HSF2: variants seen among roughly 807,000 people sequenced by gnomAD.
The protein encoded by HSF2 is heat shock factor protein 2.
Under a neutral mutation model 65.0 loss-of-function variants are expected in HSF2, and 21 were observed. The observed-to-expected ratio is 0.32, with a 90% CI of 0.23 to 0.47. The LOEUF (loss-of-function observed/expected upper bound fraction) is 0.47. Ranked by LOEUF, HSF2 falls within the 20% of genes least tolerant of loss-of-function variation. The pLI, the probability that HSF2 is intolerant of heterozygous loss-of-function variation, is 1.00. For synonymous variants in HSF2, 225 were observed against 219.1 expected (o/e 1.03, Z -0.24); for missense variants, 499 against 628.1 (o/e 0.79, Z 2.20).
chr6:122,427,458 T>C (rs1250330897), intron 10 of HSF2, among the ~76,000 whole-genome samples: 1 of 152,030 alleles, frequency 6.6e-6, no homozygotes, highest in Non-Finnish European at 1.5e-5. Context: ...AGGCATAGTT[T>C]AGGAGCCACT....
intron 10 of HSF2, among the ~76,000 whole-genome samples, chr6:122,425,658 C>T (rs1774323964): frequency 6.6e-6 from 1 of 151,944 alleles, no homozygotes; most frequent in African/African-American, 2.4e-5. Flanking sequence ...CTAATCTTCT[C>T]TGTTTTATCT....
intron 3 of HSF2, 104 bp from the exon 4 acceptor site, chr6:122,413,421 C>G: frequency 1.3e-6 from 1 of 768,560 alleles, no homozygotes; most frequent in Non-Finnish European, 2.1e-6. Flanking sequence ...AACCAGATCT[C>G]ACTTCCTGAA....
chr6:122,428,692 A>G (rs1774391004), intron 11 of HSF2, among the ~76,000 whole-genome samples: 1 of 152,040 alleles, frequency 6.6e-6, no homozygotes, highest in Non-Finnish European at 1.5e-5. Flanking sequence ...TAGTGAAGCC[A>G]GAATTTTATT....
intron 1 of HSF2, among the ~76,000 whole-genome samples, chr6:122,408,384 A>T (rs534653991): frequency 6.6e-6 from 1 of 151,518 alleles, no homozygotes; most frequent in African/African-American, 2.4e-5. Flanking sequence ...GATCAAAACT[A>T]TATAAATCAG....
At chr6:122,413,720 GGTTGTCTGATGTTTTATTGTAA>G in intron 4 of HSF2, 71 bp downstream of exon 4, 1 of 1,298,234 alleles carries the variant, frequency 7.7e-7, no homozygotes, top group Admixed American at 2.1e-5. Context: ...TGAGTTTGGA[GGTTGTCTGATGTTTTATTGTAA>G]GTACTCAGAT....
At position 122,432,308 on chromosome 6, in the gene HSF2, A is replaced by G; in HGVS notation, c.*88A>G. ...GTATCATTTGGTACTTTTTTTGTAA[A>G]TTGCTTTGTTTTGTTTAATCAGATA... On this transcript the variant is annotated 3_prime_UTR_variant, in exon 13 of 13. Transcript: ENST00000368455. 1 of 1,168,298 alleles carries G rather than the reference A, an allele frequency of 8.6e-7. No individual in the cohort carries two copies. The highest frequency in any genetic ancestry group is 1.2e-6 in the Non-Finnish European group (1 of 822,534). The allele number at this position is 1,168,298 out of a possible 1,614,324, so 72.4% of individuals were successfully genotyped here.
rs139599852 is a variant in HSF2, at chr6:122,412,381, A to T, written c.102A>T (p.Gln34His). 1 of 1,607,332 alleles carries T rather than the reference A, an allele frequency of 6.2e-7. No homozygotes were observed. Among genetic ancestry groups the T allele is most frequent in the Admixed American group, 1.7e-5 (1 of 59,924 alleles). The change falls in exon 2 of 13, where the codon CAA (glutamine) becomes CAT (histidine). Residue 34 changes from glutamine (Q) to histidine (H), a missense_variant. This residue lies in a region of HSF2 where 150 missense variants were observed against 234.6 expected (regional missense o/e 0.64). Transcript: ENST00000368455. ...NEFITWSQNGQSFLVLDEQRF... is the reference protein window; with the variant it reads ...NEFITWSQNGHSFLVLDEQRF... ...TTTTTTTCCCCTTGCAGAATGGCCAAAGTTTTCTGGTCTTGGATGAGCAAC... is the reference window on the plus strand; with the variant it reads ...TTTTTTTCCCCTTGCAGAATGGCCATAGTTTTCTGGTCTTGGATGAGCAAC...
At chr6:122,409,419 T>A (rs1250480446) in intron 1 of HSF2, among the ~76,000 whole-genome samples, 2 of 151,984 alleles carry the variant, frequency 1.3e-5, no homozygotes, top group Admixed American at 1.3e-4. Context: ...AGTAAGTGGA[T>A]GGTCCTGAAT....
chr6:122,414,109 G>A (rs45626134), intron 4 of HSF2, among the ~76,000 whole-genome samples: 2 of 152,092 alleles, frequency 1.3e-5, no homozygotes, highest in Admixed American at 6.6e-5. Context: ...ATCGGAAAAC[G>A]ATGCAGGAGA....
At chr6:122,424,696 C>T (rs1005798391) in intron 10 of HSF2, among the ~76,000 whole-genome samples, 7 of 152,012 alleles carry the variant, frequency 4.6e-5, no homozygotes, top group African/African-American at 1.7e-4. Context: ...AATTTTGTAT[C>T]CATGTTGATA....
At chr6:122,431,564 C>G in intron 12 of HSF2, 50 bp downstream of exon 12, 1 of 1,034,960 alleles carries the variant, frequency 9.7e-7, no homozygotes, top group South Asian at 1.5e-5. Flanking sequence ...TAATCCTATG[C>G]AGAAACAAGT....
intron 1 of HSF2, among the ~76,000 whole-genome samples, chr6:122,406,802 T>C (rs1221406525): frequency 1.3e-5 from 2 of 152,184 alleles, no homozygotes; most frequent in African/African-American, 4.8e-5. Context: ...GAAAATTGTT[T>C]AATTTTTCTT....
intron 10 of HSF2, among the ~76,000 whole-genome samples, chr6:122,427,585 AAAAT>A (rs1774364889): frequency 6.6e-6 from 1 of 152,066 alleles, no homozygotes; most frequent in South Asian, 2.1e-4. Flanking sequence ...TTAGAGAAAA[AAAAT>A]AAAGGAAATG....
At chr6:122,418,671 G>A (rs2114442552) in intron 5 of HSF2, among the ~76,000 whole-genome samples, 1 of 152,000 alleles carries the variant, frequency 6.6e-6, no homozygotes, top group African/African-American at 2.4e-5. Flanking sequence ...GGAGCATCAC[G>A]ATGTTGCCCA....
At chr6:122,400,785 T>G (rs1027672559) in intron 1 of HSF2, among the ~76,000 whole-genome samples, 2 of 152,248 alleles carry the variant, frequency 1.3e-5, no homozygotes, top group Non-Finnish European at 2.9e-5. Context: ...ATCATTTTTA[T>G]GAAGGAAAGT....
At chr6:122,400,492 C>CT in intron 1 of HSF2, among the ~76,000 whole-genome samples, 1 of 152,270 alleles carries the variant, frequency 6.6e-6, no homozygotes, top group East Asian at 1.9e-4. Context: ...TAATAAAGTA[C>CT]TAATAGGTGG....
At chr6:122,415,056 G>T (rs1172944988) in intron 4 of HSF2, among the ~76,000 whole-genome samples, 1 of 151,996 alleles carries the variant, frequency 6.6e-6, no homozygotes, top group Non-Finnish European at 1.5e-5. Context: ...TATTAGTTTG[G>T]ATTAAAGAAG....
At chr6:122,419,317 T>G in intron 6 of HSF2, 88 bp downstream of exon 6, 1 of 610,014 alleles carries the variant, frequency 1.6e-6, no homozygotes, top group Non-Finnish European at 2.9e-6. Context: ...ACTTGCTGAG[T>G]ATGTGCTTGT....
At chr6:122,404,835 G>A (rs1224842629) in intron 1 of HSF2, among the ~76,000 whole-genome samples, 1 of 152,150 alleles carries the variant, frequency 6.6e-6, no homozygotes, top group Non-Finnish European at 1.5e-5. Context: ...AGAGACTGAG[G>A]GAATACAATA....
Sources: gnomAD v4.1 joint callset for allele counts (sites outside exome capture counted in the v4.1 genomes callset) on GRCh38, gnomAD v4.1.1 for gene constraint, gnomAD v4.1.1 regional missense constraint, MANE v1.5 for transcripts, NCBI Gene and HGNC (gene_info 2026-07-23, HGNC 2026-07-21) for gene names.